RAI1: variants seen among roughly 807,000 people sequenced by gnomAD.
RAI1 encodes the protein retinoic acid induced 1.
A neutral mutation model predicts 123.8 loss-of-function variants in RAI1; 9 were observed. That is an observed-to-expected ratio of 0.07 (90% CI 0.04 to 0.13). The LOEUF (loss-of-function observed/expected upper bound fraction) is 0.13. Among genes scored for constraint, RAI1 ranks in the 10% least tolerant of loss-of-function variants. RAI1 has a pLI of 1.00. For synonymous variants in RAI1, 1,231 were observed against 1,127.3 expected (o/e 1.09, Z -1.84); for missense variants, 2,256 against 2,545.8 (o/e 0.89, Z 2.45).
At chr17:17,751,315 G>A (rs1260398008) in intron 2 of RAI1, among the ~76,000 whole-genome samples, 1 of 152,218 alleles carries the variant, frequency 6.6e-6, no homozygotes, top group East Asian at 1.9e-4. Context: ...GCCAGGCAGA[G>A]GGGCCTGTGC....
intron 1 of RAI1, among the ~76,000 whole-genome samples, chr17:17,682,339 CTACCCGGGCAGCGGCCCCGGGGCCTGTG>C (rs1449481130): frequency 2.6e-5 from 4 of 151,720 alleles, no homozygotes; most frequent in African/African-American, 9.7e-5. Context: ...TGCGGTGTCC[CTACCCGGGCAGCGGCCCCGGGGCCTGTG>C]CGCAGGCCCC....
At chr17:17,718,512 G>A (rs1196116700) in intron 1 of RAI1, among the ~76,000 whole-genome samples, 1 of 152,206 alleles carries the variant, frequency 6.6e-6, no homozygotes, top group Non-Finnish European at 1.5e-5. Flanking sequence ...GTTGTTGAAG[G>A]ACCATGCCAG....
intron 2 of RAI1, chr17:17,778,248 C>G (rs966412299): frequency 5.7e-6 from 1 of 174,704 alleles, no homozygotes; most frequent in Non-Finnish European, 1.2e-5. Context: ...GACCTCAACC[C>G]TCAGCCCCAG....
In RAI1 at chr17:17,798,656, C is replaced by T. The variant is rs549513011; in HGVS notation, c.5565+143C>T. ...CGGGACAATCTGCAGAGTCCTGAGCCTCTCTGGGGTGTGTGGGGGAAGTGG... is the reference window on the plus strand; with the variant it reads ...CGGGACAATCTGCAGAGTCCTGAGCTTCTCTGGGGTGTGTGGGGGAAGTGG... On this transcript the variant is annotated intron_variant, in intron 3 of 5. Coordinates refer to ENST00000353383, the MANE Select transcript of RAI1 (RefSeq NM_030665.4). The T allele has an allele frequency of 9.9e-4, 1,404 of 1,416,244 alleles. 28 individuals are homozygous for T. The South Asian group carries it at 0.018, about 18-fold the overall frequency. 87.7% of individuals were successfully genotyped at this position (1,416,244 alleles called of 1,614,324 possible). A position where few individuals can be genotyped will look rare whatever the true frequency, so the allele number is the denominator to read the frequency against.
chr17:17,729,182 T>G (rs1916189413), intron 2 of RAI1, among the ~76,000 whole-genome samples: 1 of 152,204 alleles, frequency 6.6e-6, no homozygotes, highest in Non-Finnish European at 1.5e-5. Flanking sequence ...CAAGACACTG[T>G]ATCCACACTG....
Position 17,716,891 on chromosome 17 carries a change from C to T in RAI1, c.-148-7137C>T, listed in dbSNP as rs1915730097. ...GGGATGGCATGGAGCAGGCCCATCC[C>T]GATGTCCCTGGGTGGCCTGGTGGAA... is the stretch of plus-strand genomic sequence containing the variant. On this transcript the variant is annotated intron_variant, in intron 1 of 5. Coordinates refer to ENST00000353383, the MANE Select transcript of RAI1 (RefSeq NM_030665.4). Among the ~76,000 whole-genome samples the T allele has an allele frequency of 3.3e-5, 5 of 152,216 alleles. No homozygotes were observed. The South Asian group carries it at 1.0e-3, about 31-fold the overall frequency.
intron 1 of RAI1, among the ~76,000 whole-genome samples, chr17:17,703,154 T>C (rs559629240): frequency 1.3e-5 from 2 of 152,060 alleles, no homozygotes; most frequent in South Asian, 4.1e-4. Context: ...CCCCCAGGAG[T>C]TGGACAGCGG....
At chr17:17,789,858 G>A (rs1420736290) in intron 2 of RAI1, among the ~76,000 whole-genome samples, 1 of 152,296 alleles carries the variant, frequency 6.6e-6, no homozygotes, top group African/African-American at 2.4e-5. Flanking sequence ...CGGGCAGTGT[G>A]GTTGAGCTGG....
At chr17:17,689,204 C>CGGT in intron 1 of RAI1, among the ~76,000 whole-genome samples, 1 of 151,086 alleles carries the variant, frequency 6.6e-6, no homozygotes, top group Non-Finnish European at 1.5e-5. Flanking sequence ...GTGATCCACC[C>CGGT]GCCTCAGCCT....
chr17:17,749,236 C>T (rs546615880), intron 2 of RAI1, among the ~76,000 whole-genome samples: 7 of 152,204 alleles, frequency 4.6e-5, no homozygotes, highest in Non-Finnish European at 7.3e-5. Flanking sequence ...CTTCCGCTGC[C>T]GCCTAATAGC....
chr17:17,754,280 C>T (rs1462277728), intron 2 of RAI1, among the ~76,000 whole-genome samples: 1 of 149,370 alleles, frequency 6.7e-6, no homozygotes, highest in Non-Finnish European at 1.5e-5. Flanking sequence ...TCTCGGCTCA[C>T]CGCAACCTCC....
chr17:17,682,994 C>T (rs1264260001), intron 1 of RAI1, among the ~76,000 whole-genome samples: 1 of 152,184 alleles, frequency 6.6e-6, no homozygotes, highest in Non-Finnish European at 1.5e-5. Context: ...CCCGCGCCGC[C>T]TTCCCCGCGG....
At chr17:17,758,555 GACTCACCC>G (rs972967110) in intron 2 of RAI1, among the ~76,000 whole-genome samples, 5 of 152,208 alleles carry the variant, frequency 3.3e-5, no homozygotes, top group Admixed American at 1.3e-4. Context: ...GTTGTTTACC[GACTCACCC>G]ACCTGTCAGC....
In RAI1 at chr17:17,685,506, G is replaced by T. The variant is rs1464404472; in HGVS notation, c.-149+3713G>T. On this transcript the variant is annotated intron_variant, in intron 1 of 5. Transcript: ENST00000353383. The surrounding 1 kb of genome is among the most constrained non-coding windows in gnomAD (Gnocchi z 4.0). ...TGGCAGAGGGAACACAGTGAGCAGAGCGAGTCTTTGGAAGCTGGAAGGGAT... is the reference window on the plus strand; with the variant it reads ...TGGCAGAGGGAACACAGTGAGCAGATCGAGTCTTTGGAAGCTGGAAGGGAT... Among the ~76,000 whole-genome samples the T allele has an allele frequency of 6.6e-6, 1 of 152,242 alleles. No individual in the cohort carries two copies. Among genetic ancestry groups the T allele is most frequent in the African/African-American group, 2.4e-5 (1 of 41,452 alleles).
chr17:17,740,538 A>G (rs1916589143), intron 2 of RAI1, among the ~76,000 whole-genome samples: 1 of 152,134 alleles, frequency 6.6e-6, no homozygotes, highest in African/African-American at 2.4e-5. Context: ...AGGTACAGGC[A>G]CTTCTCTAAG....
intron 1 of RAI1, among the ~76,000 whole-genome samples, chr17:17,710,540 C>G (rs1915535123): frequency 6.6e-6 from 1 of 152,226 alleles, no homozygotes; most frequent in African/African-American, 2.4e-5. Context: ...TCGGCTGTTG[C>G]TGGGGAAATG....
In RAI1 at chr17:17,700,031, TTAAG is replaced by T. The variant is rs769902365; in HGVS notation, c.-149+18240_-149+18243del. ...ACTACTCCTGGGGCTCTTGGGGAGATTAAGTGAGAAAATTTATGCTAAATCCTTA... is the reference window on the plus strand; with the variant it reads ...ACTACTCCTGGGGCTCTTGGGGAGATTGAGAAAATTTATGCTAAATCCTTA... On this transcript the variant is annotated intron_variant, in intron 1 of 5. Coordinates refer to ENST00000353383, the MANE Select transcript of RAI1 (RefSeq NM_030665.4). Among the ~76,000 whole-genome samples the T allele has an allele frequency of 1.2e-4, 18 of 152,350 alleles. No homozygotes were observed. The South Asian group carries it at 1.9e-3, about 16-fold the overall frequency.
chr17:17,803,979 C>A, intron 4 of RAI1, 130 bp downstream of exon 4: 1 of 909,038 alleles, frequency 1.1e-6, no homozygotes, highest in Non-Finnish European at 1.8e-6. Context: ...CTTGCCCCAG[C>A]AATTCTTTTA....
chr17:17,796,755 C>T lies in RAI1; in HGVS notation c.3807C>T (p.Leu1269=), dbSNP rs758692261. The stretch of plus-strand genomic sequence containing the variant: ...AGAGGCCTGAGGGTTCCCCCACCCT[C>T]TTCAAGAGGATGTCTTCTCCCAAGA... ...KEERPEGSPT[L]FKRMSSPKKA... The change falls in exon 3 of 6, where the codon CTC becomes CTT. Residue 1269 remains leucine, a synonymous_variant. Coordinates refer to ENST00000353383, the MANE Select transcript of RAI1 (RefSeq NM_030665.4). This position sits in a 1 kb window ranked among gnomAD's most constrained non-coding sequence, Gnocchi z 5.8. 7 of 1,613,252 alleles carry T rather than the reference C, an allele frequency of 4.3e-6. No homozygotes were observed. In the East Asian group the frequency reaches 6.7e-5, roughly 15 times the overall value.
Sources: allele counts gnomAD v4.1 joint callset (sites outside exome capture counted in the v4.1 genomes callset), GRCh38; gene constraint gnomAD v4.1.1; non-coding constraint Gnocchi (gnomAD v3.1); transcripts MANE v1.5; gene names NCBI Gene and HGNC (gene_info 2026-07-23, HGNC 2026-07-21).